Variants in SYNE2 observed in about 807,000 individuals in gnomAD.
SYNE2 encodes the protein nesprin-2.
SYNE2 carries 431 observed loss-of-function variants against 856.3 expected under a neutral mutation model. The observed-to-expected ratio is 0.50, with a 90% confidence interval of 0.47 to 0.55. SYNE2 has a LOEUF of 0.55. SYNE2 is among the 20% of genes least tolerant of loss of function. SYNE2 has a pLI of 0.00. For synonymous variants in SYNE2, 2,923 were observed against 2,872.3 expected (o/e 1.02, Z -0.56); for missense variants, 8,129 against 8,023.2 (o/e 1.01, Z -0.50).
rs774003802 is a variant in SYNE2, at chr14:64,163,463, A to G, written c.16361A>G (p.Asp5454Gly). 1.9e-6 allele frequency: 3 copies of G among 1,614,034 alleles called. No homozygotes were observed. Among genetic ancestry groups the G allele is most frequent in the Admixed American group, 3.3e-5 (2 of 60,000 alleles). ...EAFLQNSSVL[D>G]RLPQPAESST... is the part of the protein sequence containing the mutation. Reference sequence around the variant, plus strand: ...TTTCTCCAAAATTCCAGTGTCCTGGATCGACTCCCACAACCCGCAGAGTCC... The same window carrying G: ...TTTCTCCAAAATTCCAGTGTCCTGGGTCGACTCCCACAACCCGCAGAGTCC... The change falls in exon 89 of 116, where the codon GAT becomes GGT. Residue 5454 changes from aspartate (D) to glycine (G), a missense_variant. Physicochemically the swap from Asp to Gly is moderately conservative, Grantham distance 94. Coordinates refer to ENST00000555002, the MANE Select transcript of SYNE2 (RefSeq NM_182914.3).
At chr14:63,959,305 T>C (rs2153443981) in intron 8 of SYNE2, among the ~76,000 whole-genome samples, 1 of 139,750 alleles carries the variant, frequency 7.2e-6, no homozygotes, top group African/African-American at 2.7e-5. Context: ...TTTTTTTTTT[T>C]TTTTTTTTGA....
chr14:63,779,461 G>C (rs1299008110), intron 1 of SYNE2, among the ~76,000 whole-genome samples: 1 of 133,084 alleles, frequency 7.5e-6, no homozygotes, highest in Non-Finnish European at 1.6e-5. Context: ...AAAAAAGCTA[G>C]AAAACGAGGA....
chr14:64,138,950 T>TGTGTGTGTGTATGTATG (rs2098118936), intron 79 of SYNE2, among the ~76,000 whole-genome samples: 1 of 102,112 alleles, frequency 9.8e-6, no homozygotes, highest in Non-Finnish European at 2.0e-5. Flanking sequence ...ATGTATGGTG[T>TGTGTGTGTGTATGTATG]GTGTGTGTGT....
chr14:64,045,919 C>T (rs928512526), intron 45 of SYNE2, among the ~76,000 whole-genome samples: 12 of 152,154 alleles, frequency 7.9e-5, no homozygotes, highest in South Asian at 2.1e-4. Flanking sequence ...ACCCAGTTTC[C>T]CCTATTGTTA....
chr14:63,976,737 GA>G lies in SYNE2; in HGVS notation c.1293+18del, dbSNP rs773022470. The G allele has an allele frequency of 2.5e-6, 4 of 1,607,088 alleles. No homozygotes were observed. Among genetic ancestry groups the G allele is most frequent in the East Asian group, 2.2e-5 (1 of 44,772 alleles). On this transcript the variant is annotated intron_variant, in intron 12 of 115. Transcript: ENST00000555002. ...AATGACTTTATTCAAGGTTGGAAAA[GA>G]AAAAAAAGAGATGTAGGAAAATACA... is the stretch of plus-strand genomic sequence containing the variant.
At chr14:64,094,061 G>A (rs1019004297) in intron 61 of SYNE2, among the ~76,000 whole-genome samples, 3 of 152,030 alleles carry the variant, frequency 2.0e-5, no homozygotes, top group East Asian at 3.9e-4. Context: ...GGCCGGGCGC[G>A]GTGGCTCACG....
rs1009893200 is a variant in SYNE2, at chr14:64,070,657, G to A, written c.10444G>A (p.Ala3482Thr). The change falls in exon 52 of 116, where the codon GCA becomes ACA. Residue 3482 changes from alanine (A) to threonine (T), a missense_variant. Physicochemically the swap from Ala to Thr is moderately conservative, Grantham distance 58. Coordinates refer to ENST00000555002, the MANE Select transcript of SYNE2 (RefSeq NM_182914.3). ...KFVSEEIEREAIILDNLQEEL... is the reference protein window; with the variant it reads ...KFVSEEIERETIILDNLQEEL... Reference sequence around the variant, plus strand: ...TTTTTTGAATTAGATTGAACGAGAGGCAATTATTTTAGATAATCTTCAGGA... The same window carrying A: ...TTTTTTGAATTAGATTGAACGAGAGACAATTATTTTAGATAATCTTCAGGA... 5.0e-6 allele frequency: 8 copies of A among 1,613,088 alleles called. No homozygotes were observed. Among genetic ancestry groups the A allele is most frequent in the South Asian group, 1.1e-5 (1 of 90,846 alleles).
chr14:63,942,999 G>T (rs1812630665), intron 6 of SYNE2, among the ~76,000 whole-genome samples: 1 of 152,174 alleles, frequency 6.6e-6, no homozygotes, highest in South Asian at 2.1e-4. Context: ...CATAATATCA[G>T]CACCAGTCTG....
intron 16 of SYNE2, 70 bp downstream of exon 16, chr14:63,981,243 A>T: frequency 5.2e-6 from 7 of 1,339,094 alleles, no homozygotes; most frequent in Non-Finnish European, 7.5e-6. Context: ...CCTCATTTTC[A>T]ATCCAAAGAT....
At position 63,948,790 on chromosome 14, in the gene SYNE2, A is replaced by G. The variant is rs1212159544; in HGVS notation, c.409-1035A>G. Among the ~76,000 whole-genome samples the G allele has an allele frequency of 5.1e-3, 375 of 73,976 alleles. 12 individuals carry two copies. The highest frequency in any genetic ancestry group is 0.041 in the East Asian group (118 of 2,910). 48.5% of individuals were successfully genotyped at this position (73,976 alleles called of 152,430 possible). On this transcript the variant is annotated intron_variant, in intron 6 of 115. Coordinates refer to ENST00000555002, the MANE Select transcript of SYNE2 (RefSeq NM_182914.3). ...TATATGTATGTGTGTGTGTATATAT[A>G]TATATATATATATATATATATATAT...
chr14:64,220,537 T>A lies in SYNE2; in HGVS notation c.19961T>A (p.Leu6654His). ...LQTESPESTE[L>H]QSRLRQLSLL... ...ACCGAGAGCCCCGAATCCACAGAGCTCCAAAGTAGACTCCGCCAGCTGAGC... is the reference window on the plus strand; with the variant it reads ...ACCGAGAGCCCCGAATCCACAGAGCACCAAAGTAGACTCCGCCAGCTGAGC... Residue 6654 changes from leucine to histidine, a missense_variant, in exon 111 of 116, where the codon CTC becomes CAC. Leu to His is a moderately conservative substitution (Grantham distance 99, BLOSUM62 -3). Coordinates refer to ENST00000555002, the MANE Select transcript of SYNE2 (RefSeq NM_182914.3). The A allele has an allele frequency of 6.2e-7, 1 of 1,613,772 alleles. No homozygotes were observed. The highest frequency in any genetic ancestry group is 8.5e-7 in the Non-Finnish European group (1 of 1,179,948).
chr14:64,222,047 C>T (rs572156065), intron 112 of SYNE2, among the ~76,000 whole-genome samples: 1 of 152,210 alleles, frequency 6.6e-6, no homozygotes, highest in East Asian at 1.9e-4. Flanking sequence ...TGCTTCACAC[C>T]TGTGATGAGC....
intron 1 of SYNE2, among the ~76,000 whole-genome samples, chr14:63,817,413 C>T (rs1397010970): frequency 6.6e-6 from 1 of 151,892 alleles, no homozygotes; most frequent in Admixed American, 6.6e-5. Context: ...GTTGCAGTAA[C>T]CTGTGATCAC....
chr14:64,174,068 AT>A (rs774699849), intron 94 of SYNE2: 56,349 of 413,788 alleles, frequency 0.14, 78 homozygotes, highest in Middle Eastern at 0.18. Flanking sequence ...TGTCTCTTAA[AT>A]TTTTTTTTTT....
At chr14:63,936,602 G>A (rs1354344840) in intron 2 of SYNE2, among the ~76,000 whole-genome samples, 1 of 152,182 alleles carries the variant, frequency 6.6e-6, no homozygotes, top group Non-Finnish European at 1.5e-5. Flanking sequence ...GAGGAATACA[G>A]GAGGCCAGAG....
chr14:63,826,063 A>C (rs1237240068), intron 1 of SYNE2, among the ~76,000 whole-genome samples: 2 of 152,182 alleles, frequency 1.3e-5, no homozygotes, highest in Non-Finnish European at 2.9e-5. Context: ...TCATATGGAA[A>C]TGCAAGGAAC....
chr14:64,025,057 A>G (rs775815592), intron 40 of SYNE2, 26 bp downstream of exon 40: 1 of 1,614,058 alleles, frequency 6.2e-7, no homozygotes, highest in South Asian at 1.1e-5. Context: ...TATGAAATAC[A>G]TTACCTGAGA....
chr14:63,974,946 G>A (rs150327681), intron 11 of SYNE2, among the ~76,000 whole-genome samples: 1,496 of 122,398 alleles, frequency 0.012, 41 homozygotes, highest in African/African-American at 0.041. Flanking sequence ...TCACTCTGTC[G>A]CCCAGGCTGG....
chr14:64,224,615 C>G, intron 114 of SYNE2, 68 bp downstream of exon 114: 2 of 1,571,830 alleles, frequency 1.3e-6, no homozygotes, highest in Admixed American at 3.4e-5. Context: ...ATGAGGGAAG[C>G]TTGGGATTCC....
Sources: allele counts gnomAD v4.1 joint callset (sites outside exome capture counted in the v4.1 genomes callset), GRCh38; gene constraint gnomAD v4.1.1; transcripts MANE v1.5; gene names NCBI Gene and HGNC (gene_info 2026-07-23, HGNC 2026-07-21).